CDK6: variants seen among roughly 807,000 people sequenced by gnomAD.
The protein encoded by CDK6 is cyclin dependent kinase 6, also known as cyclin-dependent kinase 6.
In CDK6, 6 loss-of-function variants were observed where a neutral mutation model predicts 37.1. The ratio of observed to expected loss-of-function variants is 0.16; its 90% CI spans 0.09 to 0.32. The LOEUF is 0.32. Among genes scored for constraint, CDK6 ranks in the 10% least tolerant of loss-of-function variants. The pLI, the probability that CDK6 is intolerant of heterozygous loss-of-function variation, is 1.00. For synonymous variants in CDK6, 160 were observed against 161.3 expected, an observed-to-expected ratio of 0.99 and a Z score of 0.06; for missense variants, 224 against 418.9, an observed-to-expected ratio of 0.53 and a Z score of 4.06.
chr7:92,743,734 A>C lies in CDK6; in HGVS notation c.370-17941T>G, dbSNP rs139910616. 9.8e-5 allele frequency among the ~76,000 whole-genome samples: 15 copies of C among 152,356 alleles called. No individual in the cohort carries two copies. In the East Asian group the frequency reaches 2.9e-3, roughly 29 times the overall value. On this transcript the variant is annotated intron_variant, in intron 3 of 7. Coordinates refer to ENST00000424848, the MANE Select transcript of CDK6 (RefSeq NM_001145306.2). ...AGCAGTCACATACACTGATGGTGAA[A>C]CACAAATGGTCTATCCACTTGGGAA...
intron 2 of CDK6, among the ~76,000 whole-genome samples, chr7:92,780,461 T>C (rs1799957673): frequency 6.6e-6 from 1 of 152,046 alleles, no homozygotes; most frequent in Admixed American, 6.5e-5. Flanking sequence ...AACACTTGAA[T>C]GTAAAAACTG....
chr7:92,681,956 T>C (rs1425297211), intron 4 of CDK6, among the ~76,000 whole-genome samples: 1 of 152,188 alleles, frequency 6.6e-6, no homozygotes, highest in Non-Finnish European at 1.5e-5. Flanking sequence ...ATGCATGCAT[T>C]GTCATTCCTC....
chr7:92,820,104 A>G (rs1257503509), intron 2 of CDK6, among the ~76,000 whole-genome samples: 1 of 152,126 alleles, frequency 6.6e-6, no homozygotes, highest in Admixed American at 6.6e-5. Context: ...GAGAACACAG[A>G]TTGTGATAAA....
chr7:92,713,364 C>T (rs1798146611), intron 4 of CDK6, among the ~76,000 whole-genome samples: 1 of 152,014 alleles, frequency 6.6e-6, no homozygotes, highest in Non-Finnish European at 1.5e-5. Flanking sequence ...AAAACTTTGC[C>T]AAAGCCCATA....
intron 4 of CDK6, among the ~76,000 whole-genome samples, chr7:92,724,539 T>G (rs1437975563): frequency 4.6e-5 from 7 of 152,186 alleles, no homozygotes; most frequent in Admixed American, 1.3e-4. Flanking sequence ...GCAAGTTATC[T>G]GTCTCAGAGA....
At chr7:92,790,672 A>G (rs979263780) in intron 2 of CDK6, among the ~76,000 whole-genome samples, 3 of 152,180 alleles carry the variant, frequency 2.0e-5, no homozygotes, top group African/African-American at 7.2e-5. Context: ...GTATACACAT[A>G]TACTTATTCA....
chr7:92,672,138 T>TAC (rs1413371793), intron 4 of CDK6, among the ~76,000 whole-genome samples: 15 of 107,922 alleles, frequency 1.4e-4, no homozygotes, highest in African/African-American at 5.6e-4. Flanking sequence ...GCTGTACATA[T>TAC]ATATATATAT....
chr7:92,656,861 T>C (rs1195492504), intron 5 of CDK6, among the ~76,000 whole-genome samples: 1 of 152,138 alleles, frequency 6.6e-6, no homozygotes, highest in African/African-American at 2.4e-5. Flanking sequence ...GTGCCCACCC[T>C]ACACCTGGAG....
chr7:92,672,236 CACACACATATAT>C (rs1797104773), intron 4 of CDK6, among the ~76,000 whole-genome samples: 2 of 145,960 alleles, frequency 1.4e-5, no homozygotes, highest in African/African-American at 5.1e-5. Flanking sequence ...CACACACACA[CACACACATATAT>C]GAAGATGGTG....
intron 2 of CDK6, among the ~76,000 whole-genome samples, chr7:92,810,748 T>C (rs1042330185): frequency 5.3e-5 from 8 of 152,122 alleles, no homozygotes; most frequent in East Asian, 1.9e-4. Context: ...CAGAATTCAA[T>C]AGTAAAGGGC....
chr7:92,714,637 T>C, intron 4 of CDK6, among the ~76,000 whole-genome samples: 1 of 152,206 alleles, frequency 6.6e-6, no homozygotes, highest in East Asian at 1.9e-4. Flanking sequence ...TCTGACTAAC[T>C]GTAGTCTTGA....
Position 92,616,078 on chromosome 7 carries a change from G to A in CDK6, c.835-792C>T, listed in dbSNP as rs574670203. Among the ~76,000 whole-genome samples the A allele has an allele frequency of 1.1e-4, 17 of 152,266 alleles. No homozygotes were observed. In the South Asian group the frequency reaches 3.3e-3, roughly 30 times the overall value. On this transcript the variant is annotated intron_variant, in intron 7 of 7. Transcript: ENST00000424848. ...GGTGGCAAGCACTAATTAGTGATGA[G>A]TAAGACCTCCTCATTGCCACAGGAG... is the stretch of plus-strand genomic sequence containing the variant.
intron 3 of CDK6, among the ~76,000 whole-genome samples, chr7:92,754,014 T>G (rs1013700096): frequency 6.6e-6 from 1 of 152,176 alleles, no homozygotes; most frequent in Non-Finnish European, 1.5e-5. Flanking sequence ...CTAGATAATG[T>G]CATAGGATGG....
At chr7:92,683,849 T>A (rs1184494206) in intron 4 of CDK6, among the ~76,000 whole-genome samples, 2 of 152,240 alleles carry the variant, frequency 1.3e-5, no homozygotes, top group African/African-American at 4.8e-5. Flanking sequence ...AGGACACATC[T>A]GAGAGAAGGA....
At chr7:92,799,345 T>A (rs888512223) in intron 2 of CDK6, among the ~76,000 whole-genome samples, 1 of 152,122 alleles carries the variant, frequency 6.6e-6, no homozygotes, top group African/African-American at 2.4e-5. Flanking sequence ...GATACCAGAA[T>A]GAGATGCCTA....
rs139878620 is a variant in CDK6 at position 92,735,737 on chromosome 7, C to G, written c.370-9944G>C. Reference sequence around the variant, plus strand: ...AATCACCCAATAGTCTATAGATATGCATTAAGATGAATTATAGTGACCTTT... The same window carrying G: ...AATCACCCAATAGTCTATAGATATGGATTAAGATGAATTATAGTGACCTTT... On this transcript the variant is annotated intron_variant, in intron 3 of 7. Coordinates refer to ENST00000424848, the MANE Select transcript of CDK6 (RefSeq NM_001145306.2). Among the ~76,000 whole-genome samples the G allele has an allele frequency of 1.6e-3, 239 of 152,208 alleles. 1 individual carries two copies. Among genetic ancestry groups the G allele is most frequent in the Admixed American group, 4.5e-3 (69 of 15,298 alleles).
intron 2 of CDK6, among the ~76,000 whole-genome samples, chr7:92,825,692 T>C (rs1801294558): frequency 6.6e-6 from 1 of 152,182 alleles, no homozygotes; most frequent in Non-Finnish European, 1.5e-5. Context: ...GCTAACAGGT[T>C]TTCCACTATT....
At chr7:92,751,155 G>A (rs1336522866) in intron 3 of CDK6, among the ~76,000 whole-genome samples, 3 of 152,044 alleles carry the variant, frequency 2.0e-5, no homozygotes, top group Non-Finnish European at 2.9e-5. Context: ...AAATTCCTTC[G>A]AAATGCTAAA....
At chr7:92,701,135 G>A (rs1382426152) in intron 4 of CDK6, among the ~76,000 whole-genome samples, 4 of 152,156 alleles carry the variant, frequency 2.6e-5, no homozygotes, top group African/African-American at 7.2e-5. Context: ...TGAAGGCATG[G>A]GGGCAGCAAA....
Sources: gnomAD v4.1 joint callset for allele counts (sites outside exome capture counted in the v4.1 genomes callset) on GRCh38, gnomAD v4.1.1 for gene constraint, MANE v1.5 for transcripts, NCBI Gene and HGNC (gene_info 2026-07-23, HGNC 2026-07-21) for gene names.